Variants in SAP30 observed in about 807,000 individuals in gnomAD.
SAP30 encodes the protein Sin3A associated protein 30, also known as histone deacetylase complex subunit SAP30.
A neutral mutation model predicts 19.6 loss-of-function variants in SAP30; 13 were observed. The ratio of observed to expected loss-of-function variants is 0.66; its 90% CI spans 0.43 to 1.05. SAP30 has a LOEUF of 1.05. SAP30 is among the 50% of genes least tolerant of loss of function. The probability of loss-of-function intolerance (pLI) is 0.00; values close to 1 mark genes in which losing one functional copy is unlikely to be tolerated. For synonymous variants in SAP30, 108 were observed against 122.7 expected, an observed-to-expected ratio of 0.88 and a Z score of 0.79; for missense variants, 257 against 292.1, an observed-to-expected ratio of 0.88 and a Z score of 0.88.
intron 3 of SAP30, among the ~76,000 whole-genome samples, chr4:173,376,131 C>T (rs1312345166): frequency 6.6e-6 from 1 of 152,142 alleles, no homozygotes; most frequent in African/African-American, 2.4e-5. Flanking sequence ...TCTTAAGTCT[C>T]TTAATTATTG....
rs574636772 is a variant in SAP30, at chr4:173,371,850, G to C, written c.315+353G>C. Among the ~76,000 whole-genome samples, 1 of 152,196 alleles carries C rather than the reference G, an allele frequency of 6.6e-6. No individual in the cohort carries two copies. The highest frequency in any genetic ancestry group is 1.5e-5 in the Non-Finnish European group (1 of 68,044). On this transcript the variant is annotated intron_variant, in intron 1 of 3. Transcript: ENST00000296504. The surrounding 1 kb of genome is among the most constrained non-coding windows in gnomAD (Gnocchi z 6.4). ...GCCCAGAGTAGTTTTCTTGCAGCCC[G>C]GCAGCTCTTCTGGAATGGAGGCGCC...
In SAP30 at chr4:173,371,109, G is replaced by A; in HGVS notation, c.-74G>A. 1 of 1,372,888 alleles carries A rather than the reference G, an allele frequency of 7.3e-7. No homozygotes were observed. Among genetic ancestry groups the A allele is most frequent in the Non-Finnish European group, 9.4e-7 (1 of 1,059,280 alleles). The allele number at this position is 1,372,888 out of a possible 1,614,324, so 85.0% of individuals were successfully genotyped here. A position where few individuals can be genotyped will look rare whatever the true frequency, so the allele number is the denominator to read the frequency against. ...TTGGTGTGCAGAGTGAATTGCCGCT[G>A]CCGGAGCGGAGAGAGGCGGAGCGGC... On this transcript the variant is annotated 5_prime_UTR_variant, in exon 1 of 4. Transcript: ENST00000296504. The surrounding 1 kb of genome is among the most constrained non-coding windows in gnomAD (Gnocchi z 6.4).
chr4:173,372,930 C>T (rs924433457), intron 1 of SAP30, among the ~76,000 whole-genome samples: 4 of 152,190 alleles, frequency 2.6e-5, no homozygotes, highest in African/African-American at 4.8e-5. Context: ...TTACAGGCTA[C>T]TGCCACCATG....
chr4:173,372,231 C>A (rs1738954699), intron 1 of SAP30, among the ~76,000 whole-genome samples: 1 of 152,198 alleles, frequency 6.6e-6, no homozygotes, highest in Non-Finnish European at 1.5e-5. Context: ...ATCTGGCTAG[C>A]GGTAAATGAA....
chr4:173,375,002 C>T (rs1739010856), intron 3 of SAP30, among the ~76,000 whole-genome samples: 2 of 142,802 alleles, frequency 1.4e-5, no homozygotes, highest in South Asian at 4.5e-4. Context: ...GAAATCTGTG[C>T]ATCTTATTAA....
chr4:173,372,223 C>G (rs1738954597), intron 1 of SAP30, among the ~76,000 whole-genome samples: 1 of 152,232 alleles, frequency 6.6e-6, no homozygotes, highest in African/African-American at 2.4e-5. Context: ...TTTGGGAGAT[C>G]TGGCTAGCGG....
At chr4:173,374,127 G>GTACATTTTAC in intron 3 of SAP30, 90 bp downstream of exon 3, 1 of 598,218 alleles carries the variant, frequency 1.7e-6, no homozygotes, top group Non-Finnish European at 2.9e-6. Context: ...GTATGTAACA[G>GTACATTTTAC]TACATTTTAA....
intron 1 of SAP30, among the ~76,000 whole-genome samples, chr4:173,372,575 T>C (rs1273733685): frequency 6.6e-6 from 1 of 152,210 alleles, no homozygotes; most frequent in Non-Finnish European, 1.5e-5. Flanking sequence ...AGTCGATGGC[T>C]CATTTGTGAA....
At chr4:173,377,081 T>C in intron 3 of SAP30, 124 bp from the exon 4 acceptor site, 1 of 571,580 alleles carries the variant, frequency 1.7e-6, no homozygotes, top group Non-Finnish European at 2.9e-6. Context: ...TTAAATATAA[T>C]TTTTAAAGGA....
intron 3 of SAP30, among the ~76,000 whole-genome samples, chr4:173,376,849 T>G (rs1020778726): frequency 1.3e-5 from 2 of 152,084 alleles, no homozygotes; most frequent in African/African-American, 4.8e-5. Flanking sequence ...CTCAAACTCC[T>G]GGGCTCAAGT....
At chr4:173,375,332 A>G (rs921623123) in intron 3 of SAP30, among the ~76,000 whole-genome samples, 1 of 152,168 alleles carries the variant, frequency 6.6e-6, no homozygotes, top group Non-Finnish European at 1.5e-5. Context: ...AAAATCTAAT[A>G]TATTAACTAT....
chr4:173,374,571 G>A (rs375990820), intron 3 of SAP30, among the ~76,000 whole-genome samples: 4 of 152,130 alleles, frequency 2.6e-5, no homozygotes, highest in East Asian at 3.9e-4. Flanking sequence ...GTGAGCCACC[G>A]TGCCTGGCCC....
At chr4:173,374,472 G>A (rs753613659) in intron 3 of SAP30, among the ~76,000 whole-genome samples, 2 of 152,034 alleles carry the variant, frequency 1.3e-5, no homozygotes, top group Admixed American at 1.3e-4. Context: ...GTAGAGATAG[G>A]GTTTCACCAT....
chr4:173,374,841 C>T (rs1739008859), intron 3 of SAP30, among the ~76,000 whole-genome samples: 2 of 151,872 alleles, frequency 1.3e-5, no homozygotes. Context: ...TTAGAGACAT[C>T]CATGTTTTTT....
rs1378891713 is a variant in SAP30 at position 173,377,465 on chromosome 4, A to G, written c.*138A>G. On this transcript the variant is annotated 3_prime_UTR_variant, in exon 4 of 4. Coordinates refer to ENST00000296504, the MANE Select transcript of SAP30 (RefSeq NM_003864.4). ...TTCTTTGTTTCTGACTCTAATAATTAGTTGGAAACTCATATAAAATGAGCT... is the reference window on the plus strand; with the variant it reads ...TTCTTTGTTTCTGACTCTAATAATTGGTTGGAAACTCATATAAAATGAGCT... The G allele has an allele frequency of 1.3e-6, 1 of 791,500 alleles. No homozygotes were observed. Among genetic ancestry groups the G allele is most frequent in the Admixed American group, 3.1e-5 (1 of 32,644 alleles). The allele number at this position is 791,500 out of a possible 1,614,324, so 49.0% of individuals were successfully genotyped here. A position where few individuals can be genotyped will look rare whatever the true frequency, so the allele number is the denominator to read the frequency against.
At chr4:173,375,972 G>A (rs1411547298) in intron 3 of SAP30, among the ~76,000 whole-genome samples, 1 of 152,214 alleles carries the variant, frequency 6.6e-6, no homozygotes, top group Admixed American at 6.5e-5. Flanking sequence ...AGAATCTAAT[G>A]CCTGATGATC....
In SAP30 at chr4:173,377,421, G is replaced by C; in HGVS notation, c.*94G>C. 1 of 1,185,358 alleles carries C rather than the reference G, an allele frequency of 8.4e-7. No individual in the cohort carries two copies. The highest frequency in any genetic ancestry group is 2.8e-5 in the East Asian group (1 of 36,162). The allele number at this position is 1,185,358 out of a possible 1,614,324, so 73.4% of individuals were successfully genotyped here. A position where few individuals can be genotyped will look rare whatever the true frequency, so the allele number is the denominator to read the frequency against. On this transcript the variant is annotated 3_prime_UTR_variant, in exon 4 of 4. Coordinates refer to ENST00000296504, the MANE Select transcript of SAP30 (RefSeq NM_003864.4). ...TTCTTTGTGTATTTTTTCTACAGAGGATTTTCTCTGATTTTATTTTCTTTG... is the reference window on the plus strand; with the variant it reads ...TTCTTTGTGTATTTTTTCTACAGAGCATTTTCTCTGATTTTATTTTCTTTG...
In SAP30 at chr4:173,371,446, G is replaced by A; in HGVS notation, c.264G>A (p.Arg88=). 6.3e-7 allele frequency: 1 copy of A among 1,592,930 alleles called. No individual in the cohort carries two copies. Among genetic ancestry groups the A allele is most frequent in the Non-Finnish European group, 8.5e-7 (1 of 1,176,490 alleles). Residue 88 remains arginine, a synonymous_variant, in exon 1 of 4, where the codon AGG becomes AGA. Coordinates refer to ENST00000296504, the MANE Select transcript of SAP30 (RefSeq NM_003864.4). This position sits in a 1 kb window ranked among gnomAD's most constrained non-coding sequence, Gnocchi z 6.4. The part of the protein sequence containing the change: ...RAAGNASFSK[R]IQKSISQKKV... ...CAGGCAACGCCAGCTTCAGCAAGAG[G>A]ATCCAGAAGAGCATCTCCCAGAAGA... is the stretch of plus-strand genomic sequence containing the variant.
At chr4:173,373,074 G>A (rs1169059643) in intron 1 of SAP30, among the ~76,000 whole-genome samples, 1 of 152,074 alleles carries the variant, frequency 6.6e-6, no homozygotes, top group Non-Finnish European at 1.5e-5. Context: ...GTGAACCACC[G>A]CGCCCAGCCC....
Sources: gnomAD v4.1 joint callset for allele counts (sites outside exome capture counted in the v4.1 genomes callset) on GRCh38, gnomAD v4.1.1 for gene constraint, Gnocchi (gnomAD v3.1) non-coding constraint, MANE v1.5 for transcripts, NCBI Gene and HGNC (gene_info 2026-07-23, HGNC 2026-07-21) for gene names.